The following ZPBP variants were observed in gnomAD, a reference collection of about 807,000 sequenced individuals.
ZPBP encodes the protein zona pellucida-binding protein 1.
ZPBP carries 26 observed loss-of-function variants against 44.8 expected under a neutral mutation model. That is an observed-to-expected ratio of 0.58 (90% CI 0.43 to 0.81). The LOEUF is 0.81. ZPBP is among the 30% of genes least tolerant of loss of function. ZPBP has a pLI of 0.00. For missense variants in ZPBP, 409 were observed against 434.0 expected (o/e 0.94, Z 0.51); for synonymous variants, 174 against 153.2 (o/e 1.14, Z -1.00).
chr7:49,987,731 TGTGTGTGTG>T (rs1797366303), intron 6 of ZPBP, among the ~76,000 whole-genome samples: 1 of 1,056 alleles, frequency 9.5e-4, no homozygotes, highest in Non-Finnish European at 2.1e-3. Flanking sequence ...ATATGTGTTG[TGTGTGTGTG>T]TGTGTGTGTG....
chr7:49,905,239 G>A (rs766330384), intron 1 of ZPBP, among the ~76,000 whole-genome samples: 37 of 152,132 alleles, frequency 2.4e-4, no homozygotes, highest in Non-Finnish European at 5.0e-4. Flanking sequence ...TGATGTATTA[G>A]GAAAAGGGGT....
rs574362647 is a variant in ZPBP, at chr7:50,017,624, G to A, written c.783+616C>T. On this transcript the variant is annotated intron_variant, in intron 6 of 7. Transcript: ENST00000046087. ...TCTGTATACAATACTTATACCTTTA[G>A]TAGAAACACTTTACAACCATTATAA... 4.6e-5 allele frequency among the ~76,000 whole-genome samples: 7 copies of A among 152,150 alleles called. No individual in the cohort carries two copies. In the East Asian group the frequency reaches 1.2e-3, roughly 25 times the overall value.
At chr7:49,976,201 C>T (rs995465179) in intron 7 of ZPBP, among the ~76,000 whole-genome samples, 5 of 152,194 alleles carry the variant, frequency 3.3e-5, no homozygotes, top group South Asian at 2.1e-4. Context: ...TATATTTTTG[C>T]GTAGTCAATA....
intron 6 of ZPBP, among the ~76,000 whole-genome samples, chr7:50,016,927 T>C (rs1798845085): frequency 6.6e-6 from 1 of 152,078 alleles, no homozygotes; most frequent in South Asian, 2.1e-4. Context: ...AAGAAAATTT[T>C]TTAAATGAAG....
chr7:50,050,798 A>AC lies in ZPBP; in HGVS notation c.487+7190_487+7191insG, dbSNP rs1415810316. 6.7e-5 allele frequency among the ~76,000 whole-genome samples: 10 copies of AC among 150,096 alleles called. No homozygotes were observed. The East Asian group carries it at 1.4e-3, about 20-fold the overall frequency. ...AGCGAGACTCCGTCTCAAAAAAAAA[A>AC]AAAAAAAAAAAAAAAACCTAAAATT... On this transcript the variant is annotated intron_variant, in intron 4 of 7. Coordinates refer to ENST00000046087, the MANE Select transcript of ZPBP (RefSeq NM_007009.3).
chr7:49,879,364 C>A (rs1002519785), intron 2 of ZPBP, among the ~76,000 whole-genome samples: 2 of 152,066 alleles, frequency 1.3e-5, no homozygotes, highest in African/African-American at 4.8e-5. Flanking sequence ...GCTGGATATT[C>A]TTTTAGCAAA....
chr7:49,946,067 TAAAC>T (rs2128755587), intron 7 of ZPBP, among the ~76,000 whole-genome samples: 1 of 152,262 alleles, frequency 6.6e-6, no homozygotes, highest in East Asian at 1.9e-4. Context: ...GCTGATTGCA[TAAAC>T]AAACAAGCAA....
chr7:49,961,273 C>T (rs980719021), intron 7 of ZPBP, among the ~76,000 whole-genome samples: 1 of 152,124 alleles, frequency 6.6e-6, no homozygotes, highest in African/African-American at 2.4e-5. Flanking sequence ...CAATGGAGTA[C>T]TATTCAGCAA....
chr7:50,017,901 C>T (rs1338151259), intron 6 of ZPBP, among the ~76,000 whole-genome samples: 1 of 151,978 alleles, frequency 6.6e-6, no homozygotes, highest in African/African-American at 2.4e-5. Context: ...AAAGATGGTT[C>T]AAATTTGCTT....
At chr7:49,949,823 G>A (rs1245064468) in intron 7 of ZPBP, among the ~76,000 whole-genome samples, 1 of 151,824 alleles carries the variant, frequency 6.6e-6, no homozygotes. Flanking sequence ...ATAATAAAAA[G>A]TGATATATAC....
At chr7:50,093,015 G>A (rs554598054) in intron 1 of ZPBP, 53 bp downstream of exon 1, 26 of 1,570,520 alleles carry the variant, frequency 1.7e-5, no homozygotes, top group South Asian at 2.3e-5. Flanking sequence ...TTCGAAGAGT[G>A]GGGGAAGCTG....
chr7:50,059,857 G>T (rs1801159124), intron 3 of ZPBP, among the ~76,000 whole-genome samples: 1 of 151,960 alleles, frequency 6.6e-6, no homozygotes, highest in Non-Finnish European at 1.5e-5. Context: ...TGTTTAAGTA[G>T]ATCTAAAAAG....
chr7:49,904,915 T>C (rs987683159), intron 1 of ZPBP, among the ~76,000 whole-genome samples: 3 of 152,014 alleles, frequency 2.0e-5, no homozygotes, highest in Non-Finnish European at 2.9e-5. Flanking sequence ...TTTGTATTTT[T>C]AGTAGAGATG....
intron 7 of ZPBP, among the ~76,000 whole-genome samples, chr7:49,977,684 A>G (rs1371668574): frequency 1.3e-5 from 2 of 152,224 alleles, no homozygotes; most frequent in Non-Finnish European, 2.9e-5. Context: ...AGAGAAAGCA[A>G]TAGGAAAAAA....
chr7:50,086,437 T>C (rs1455916594), intron 2 of ZPBP, among the ~76,000 whole-genome samples: 1 of 152,080 alleles, frequency 6.6e-6, no homozygotes, highest in East Asian at 1.9e-4. Context: ...AAGTTAGATA[T>C]TTTATATATG....
chr7:50,022,638 AT>A (rs898151020), intron 5 of ZPBP, among the ~76,000 whole-genome samples: 33 of 152,228 alleles, frequency 2.2e-4, no homozygotes, highest in African/African-American at 7.2e-4. Flanking sequence ...TCTGGTTTCT[AT>A]TTGACATCTA....
intron 1 of ZPBP, among the ~76,000 whole-genome samples, chr7:49,902,068 T>C (rs986752131): frequency 7.2e-4 from 110 of 151,968 alleles, no homozygotes; most frequent in African/African-American, 2.0e-3. Flanking sequence ...ATGTAAATCA[T>C]AGAACCATAA....
intron 2 of ZPBP, among the ~76,000 whole-genome samples, chr7:50,089,001 T>C (rs1336640686): frequency 6.6e-6 from 1 of 152,006 alleles, no homozygotes; most frequent in Non-Finnish European, 1.5e-5. Flanking sequence ...GGGCACATAG[T>C]GTATGACTCC....
At chr7:49,955,898 G>A (rs1399558455) in intron 7 of ZPBP, among the ~76,000 whole-genome samples, 2 of 152,062 alleles carry the variant, frequency 1.3e-5, no homozygotes, top group Non-Finnish European at 2.9e-5. Context: ...AAACTCTTGA[G>A]GATATACATT....
Sources: allele counts gnomAD v4.1 joint callset (sites outside exome capture counted in the v4.1 genomes callset), GRCh38; gene constraint gnomAD v4.1.1; transcripts MANE v1.5; gene names NCBI Gene and HGNC (gene_info 2026-07-23, HGNC 2026-07-21).